The following CFAP77 variants were observed in gnomAD, a reference collection of about 807,000 sequenced individuals.
CFAP77 encodes cilia and flagella associated protein 77, also known as cilia- and flagella-associated protein 77.
CFAP77 carries 25 observed loss-of-function variants against 31.1 expected under a neutral mutation model. That is an observed-to-expected ratio of 0.80 (90% confidence interval 0.59 to 1.12). The LOEUF (loss-of-function observed/expected upper bound fraction) is 1.12. Ranked by LOEUF, CFAP77 falls within the 50% of genes most tolerant of loss-of-function variation. The pLI is 0.00. For missense variants in CFAP77, 377 were observed against 397.3 expected (o/e 0.95, Z 0.44); for synonymous variants, 151 against 159.9 (o/e 0.94, Z 0.42).
chr9:132,477,329 A>G (rs1851365501), intron 1 of CFAP77, among the ~76,000 whole-genome samples: 1 of 152,188 alleles, frequency 6.6e-6, no homozygotes, highest in Non-Finnish European at 1.5e-5. Context: ...TTGAGCACCT[A>G]CTACGTGCCA....
Position 132,440,430 on chromosome 9 carries a change from C to G in CFAP77, c.195+29964C>G, listed in dbSNP as rs574161669. ...AAGAAATGGTTTTACAATGCATTCT[C>G]TCATCAAATCCTCTTAACAACCTGA... On this transcript the variant is annotated intron_variant, in intron 1 of 5. Transcript: ENST00000393216. Among the ~76,000 whole-genome samples, 9 of 152,256 alleles carry G rather than the reference C, an allele frequency of 5.9e-5. 1 individual carries two copies. The South Asian group carries it at 1.9e-3, about 32-fold the overall frequency.
intron 1 of CFAP77, among the ~76,000 whole-genome samples, chr9:132,475,673 G>A (rs1273979602): frequency 6.6e-6 from 1 of 152,146 alleles, no homozygotes; most frequent in African/African-American, 2.4e-5. Flanking sequence ...GAAGATATTT[G>A]GGTCTGAAGA....
At chr9:132,451,987 G>A (rs1315910303) in intron 1 of CFAP77, among the ~76,000 whole-genome samples, 1 of 151,818 alleles carries the variant, frequency 6.6e-6, no homozygotes, top group East Asian at 1.9e-4. Flanking sequence ...TATATTTTTA[G>A]TAGAGACGGG....
At chr9:132,569,315 A>G (rs1177136230) in intron 5 of CFAP77, among the ~76,000 whole-genome samples, 4 of 151,968 alleles carry the variant, frequency 2.6e-5, no homozygotes, top group African/African-American at 9.7e-5. Context: ...GCAAGGCAGG[A>G]GGATCCCTTG....
chr9:132,561,528 G>A (rs955014263), intron 5 of CFAP77, among the ~76,000 whole-genome samples: 2 of 151,460 alleles, frequency 1.3e-5, no homozygotes, highest in African/African-American at 2.4e-5. Context: ...GACTCAGAAA[G>A]TGCTGTGGAA....
chr9:132,511,533 G>T lies in CFAP77; in HGVS notation c.524+11933G>T, dbSNP rs1466056565. On this transcript the variant is annotated intron_variant, in intron 3 of 5. Coordinates refer to ENST00000393216, the MANE Select transcript of CFAP77 (RefSeq NM_001282957.2). This position sits in a 1 kb window ranked among gnomAD's most constrained non-coding sequence, Gnocchi z 5.8. The stretch of plus-strand genomic sequence containing the variant: ...GGAATGTTGTAGGTGCTCAGTAAAC[G>T]CTTGTTGACTGACTGCGTGAGAGGG... Among the ~76,000 whole-genome samples, 1 of 152,194 alleles carries T rather than the reference G, an allele frequency of 6.6e-6. No individual in the cohort carries two copies. Among genetic ancestry groups the T allele is most frequent in the Admixed American group, 6.5e-5 (1 of 15,284 alleles).
chr9:132,493,774 G>T (rs1010693990), intron 1 of CFAP77, among the ~76,000 whole-genome samples: 4 of 152,264 alleles, frequency 2.6e-5, no homozygotes, highest in Non-Finnish European at 4.4e-5. Flanking sequence ...TCCACGCTTT[G>T]TGTCAGGACC....
chr9:132,483,399 G>T (rs191248032), intron 1 of CFAP77, among the ~76,000 whole-genome samples: 3 of 152,306 alleles, frequency 2.0e-5, no homozygotes, highest in Admixed American at 2.0e-4. Flanking sequence ...CTCAGGACAA[G>T]GAGCGTCGAG....
chr9:132,535,653 A>C (rs1244083466), intron 3 of CFAP77, among the ~76,000 whole-genome samples: 1 of 152,128 alleles, frequency 6.6e-6, no homozygotes, highest in Non-Finnish European at 1.5e-5. Context: ...GCAAGGTTGC[A>C]GTGAGCTGAG....
At chr9:132,502,265 A>ATTT (rs571665067) in intron 3 of CFAP77, among the ~76,000 whole-genome samples, 1,010 of 83,862 alleles carry the variant, frequency 0.012, 6 homozygotes, top group Middle Eastern at 0.05. Context: ...ATATATATAT[A>ATTT]TTTTTTTTTT....
At chr9:132,438,815 G>A (rs1850560323) in intron 1 of CFAP77, among the ~76,000 whole-genome samples, 2 of 150,678 alleles carry the variant, frequency 1.3e-5, no homozygotes, top group Admixed American at 1.3e-4. Flanking sequence ...GGTTACAGGT[G>A]TGAGCCACCG....
intron 1 of CFAP77, among the ~76,000 whole-genome samples, chr9:132,463,640 T>G (rs756418789): frequency 6.6e-6 from 1 of 152,038 alleles, no homozygotes; most frequent in Non-Finnish European, 1.5e-5. Flanking sequence ...CTAATGACGC[T>G]AAGGGGGAGG....
intron 3 of CFAP77, among the ~76,000 whole-genome samples, chr9:132,515,465 A>C (rs1270644626): frequency 6.6e-6 from 1 of 152,236 alleles, no homozygotes; most frequent in Non-Finnish European, 1.5e-5. Flanking sequence ...GTTAGTATAA[A>C]GATGAATATA....
Position 132,537,617 on chromosome 9 carries a change from T to G in CFAP77, c.541T>G (p.Phe181Val), listed in dbSNP as rs780913975. ...GIRARPSTPFFDLLQHRYLQL... is the reference protein window; with the variant it reads ...GIRARPSTPFVDLLQHRYLQL... Reference sequence around the variant, plus strand: ...TCCCTCCAGGCCTTCCACACCCTTCTTTGATCTGCTGCAGCACCGGTACCT... The same window carrying G: ...TCCCTCCAGGCCTTCCACACCCTTCGTTGATCTGCTGCAGCACCGGTACCT... Residue 181 changes from phenylalanine (F) to valine (V), a missense_variant, in exon 4 of 6, where the codon TTT becomes GTT. Coordinates refer to ENST00000393216, the MANE Select transcript of CFAP77 (RefSeq NM_001282957.2). 6.2e-7 allele frequency: 1 copy of G among 1,612,716 alleles called. No homozygotes were observed. The highest frequency in any genetic ancestry group is 8.5e-7 in the Non-Finnish European group (1 of 1,179,304).
intron 1 of CFAP77, among the ~76,000 whole-genome samples, chr9:132,452,622 G>T (rs543527323): frequency 6.6e-6 from 1 of 152,184 alleles, no homozygotes; most frequent in Non-Finnish European, 1.5e-5. Context: ...ATTGGATTCT[G>T]CACCAGGAGT....
intron 5 of CFAP77, among the ~76,000 whole-genome samples, chr9:132,561,350 T>C (rs1829798617): frequency 1.3e-5 from 2 of 151,744 alleles, no homozygotes; most frequent in South Asian, 4.2e-4. Flanking sequence ...AGATTTTATT[T>C]TTTTAAATCT....
At chr9:132,542,804 G>GA in intron 4 of CFAP77, 142 bp from the exon 5 acceptor site, 1 of 566,506 alleles carries the variant, frequency 1.8e-6, no homozygotes, top group Non-Finnish European at 3.3e-6. Context: ...AACAGCCTTG[G>GA]AGAAGGGCTG....
chr9:132,516,785 A>G (rs191995035), intron 3 of CFAP77, among the ~76,000 whole-genome samples: 2 of 152,252 alleles, frequency 1.3e-5, no homozygotes, highest in African/African-American at 2.4e-5. Context: ...TGAATCTACA[A>G]TGATCTCCAT....
intron 1 of CFAP77, among the ~76,000 whole-genome samples, chr9:132,458,098 T>C (rs1850954187): frequency 6.6e-6 from 1 of 152,168 alleles, no homozygotes; most frequent in Non-Finnish European, 1.5e-5. Flanking sequence ...GCTTGAGATG[T>C]GGGCCTCCTT....
Sources: gnomAD v4.1 joint callset for allele counts (sites outside exome capture counted in the v4.1 genomes callset) on GRCh38, gnomAD v4.1.1 for gene constraint, Gnocchi (gnomAD v3.1) non-coding constraint, MANE v1.5 for transcripts, NCBI Gene and HGNC (gene_info 2026-07-23, HGNC 2026-07-21) for gene names.